The following ARHGEF7 variants were observed in gnomAD, a reference collection of about 807,000 sequenced individuals.
ARHGEF7 encodes PAK-interacting exchange factor beta.
ARHGEF7 carries 33 observed loss-of-function variants against 109.8 expected under a neutral mutation model. The observed-to-expected ratio is 0.30, with a 90% CI of 0.23 to 0.40. The LOEUF (loss-of-function observed/expected upper bound fraction) is 0.40, where lower values mean the gene tolerates loss of function less well. ARHGEF7 is among the 10% of genes least tolerant of loss of function. The pLI is 1.00. For missense variants in ARHGEF7, 938 were observed against 1,098.5 expected, an observed-to-expected ratio of 0.85 and a Z score of 2.07; for synonymous variants, 458 against 424.6, an observed-to-expected ratio of 1.08 and a Z score of -0.97.
chr13:111,214,595 G>A (rs1439961724), intron 4 of ARHGEF7, among the ~76,000 whole-genome samples: 2 of 152,206 alleles, frequency 1.3e-5, no homozygotes, highest in Non-Finnish European at 2.9e-5. Context: ...CTCGGGTCAC[G>A]TTTCACCACA....
intron 2 of ARHGEF7, among the ~76,000 whole-genome samples, chr13:111,161,267 G>C (rs2076719870): frequency 6.6e-6 from 1 of 152,172 alleles, no homozygotes; most frequent in African/African-American, 2.4e-5. Context: ...TTGATCTTCA[G>C]CTGATTTCTC....
At chr13:111,200,155 G>C (rs74126733) in intron 2 of ARHGEF7, among the ~76,000 whole-genome samples, 7,020 of 152,058 alleles carry the variant, frequency 0.046, 311 homozygotes, top group Admixed American at 0.15. Flanking sequence ...CCCTAGATGG[G>C]AGGGGTCCTT....
chr13:111,115,381 G>A lies in ARHGEF7; in HGVS notation c.-146G>A, dbSNP rs2066662460. The A allele has an allele frequency of 1.9e-5, 8 of 424,296 alleles. No individual in the cohort carries two copies. The South Asian group carries it at 7.4e-4, about 39-fold the overall frequency. 26.3% of individuals were successfully genotyped at this position (424,296 alleles called of 1,614,324 possible). A position where few individuals can be genotyped will look rare whatever the true frequency, so the allele number is the denominator to read the frequency against. ...GGCGCACGGAGAAGCGGGCCGGGCC[G>A]GACCTGCTGGGCCGCGCCGAGCCAA... is the stretch of plus-strand genomic sequence containing the variant. On this transcript the variant is annotated 5_prime_UTR_variant, in exon 1 of 22. Coordinates refer to ENST00000646102, the MANE Select transcript of ARHGEF7 (RefSeq NM_001354046.2).
chr13:111,268,666 G>A (rs2091883627), intron 9 of ARHGEF7, among the ~76,000 whole-genome samples: 1 of 152,126 alleles, frequency 6.6e-6, no homozygotes, highest in African/African-American at 2.4e-5. Flanking sequence ...CTCTGGCTGT[G>A]GCTGCTCCCT....
intron 8 of ARHGEF7, among the ~76,000 whole-genome samples, chr13:111,247,470 C>T (rs1595146557): frequency 6.6e-6 from 1 of 152,262 alleles, no homozygotes; most frequent in East Asian, 1.9e-4. Flanking sequence ...GGGGTTTCAC[C>T]ATGTTGGTCA....
rs561694011 is a variant in ARHGEF7, at chr13:111,239,497, C to A, written c.760-4375C>A. ...CTCCTGGTGACAGGGTGTCTTCGGT[C>A]TCCATCCATCAGCAGTGACCCTAAA... On this transcript the variant is annotated intron_variant, in intron 6 of 21. Coordinates refer to ENST00000646102, the MANE Select transcript of ARHGEF7 (RefSeq NM_001354046.2). The surrounding 1 kb of genome is among the most constrained non-coding windows in gnomAD (Gnocchi z 4.3). Among the ~76,000 whole-genome samples, 2 of 152,246 alleles carry A rather than the reference C, an allele frequency of 1.3e-5. No homozygotes were observed. The highest frequency in any genetic ancestry group is 4.2e-4 in the South Asian group (2 of 4,818).
chr13:111,224,902 G>T (rs2153513338), intron 5 of ARHGEF7, among the ~76,000 whole-genome samples: 1 of 152,290 alleles, frequency 6.6e-6, no homozygotes, highest in East Asian at 1.9e-4. Context: ...TGCATTACAG[G>T]ATGGACCTCT....
intron 1 of ARHGEF7, among the ~76,000 whole-genome samples, chr13:111,139,549 C>T (rs990521717): frequency 8.6e-5 from 13 of 150,746 alleles, no homozygotes; most frequent in Non-Finnish European, 5.9e-5. Flanking sequence ...TGGGTGCCTG[C>T]GTGGAGCACT....
chr13:111,267,108 T>C (rs956875925), intron 8 of ARHGEF7, among the ~76,000 whole-genome samples: 27 of 152,234 alleles, frequency 1.8e-4, no homozygotes, highest in African/African-American at 6.0e-4. Flanking sequence ...ACCTGATAGG[T>C]GGGCTTGCTT....
chr13:111,284,384 T>C (rs2092927084), intron 16 of ARHGEF7, among the ~76,000 whole-genome samples: 1 of 152,208 alleles, frequency 6.6e-6, no homozygotes, highest in African/African-American at 2.4e-5. Context: ...TCTGAGTCTT[T>C]GTTTTTATGA....
At chr13:111,142,327 T>C (rs2075384250) in intron 1 of ARHGEF7, among the ~76,000 whole-genome samples, 2 of 152,294 alleles carry the variant, frequency 1.3e-5, no homozygotes, top group Admixed American at 6.5e-5. Context: ...TTAATGGTTT[T>C]GAGTGGAGGA....
chr13:111,148,460 A>AT, intron 1 of ARHGEF7, among the ~76,000 whole-genome samples: 1 of 152,254 alleles, frequency 6.6e-6, no homozygotes, highest in South Asian at 2.1e-4. Flanking sequence ...GTACAGAAAT[A>AT]TTTTTCAAGG....
intron 2 of ARHGEF7, 121 bp downstream of exon 2, chr13:111,154,112 C>T: frequency 9.5e-7 from 1 of 1,057,888 alleles, no homozygotes. Context: ...CCCTCCCCGG[C>T]TGCTCGAGAG....
At position 111,275,694 on chromosome 13, in the gene ARHGEF7, T is replaced by C; in HGVS notation, c.1419+16T>C. The C allele has an allele frequency of 6.2e-7, 1 of 1,614,006 alleles. No homozygotes were observed. Among genetic ancestry groups the C allele is most frequent in the Middle Eastern group, 1.6e-4 (1 of 6,062 alleles). On this transcript the variant is annotated intron_variant, in intron 12 of 21. Transcript: ENST00000646102. ...CGGAAGTGAGGTACTGCTGCCCACA[T>C]GCACGCACCAGGGTTTCTGTCCCAC...
intron 8 of ARHGEF7, among the ~76,000 whole-genome samples, chr13:111,256,540 T>C (rs1355453838): frequency 6.6e-6 from 1 of 152,222 alleles, no homozygotes; most frequent in African/African-American, 2.4e-5. Flanking sequence ...TCTTGATTGT[T>C]CAGCTTGTCT....
intron 6 of ARHGEF7, among the ~76,000 whole-genome samples, chr13:111,240,061 T>C (rs982914926): frequency 1.3e-5 from 2 of 152,102 alleles, no homozygotes; most frequent in Admixed American, 1.3e-4. Flanking sequence ...AAACCCCTTT[T>C]TGTGAAAAAG....
chr13:111,260,795 C>T (rs1041240552), intron 8 of ARHGEF7, among the ~76,000 whole-genome samples: 1 of 152,124 alleles, frequency 6.6e-6, no homozygotes, highest in Non-Finnish European at 1.5e-5. Context: ...GTTTTCAAGA[C>T]AGTACAGTAA....
intron 2 of ARHGEF7, among the ~76,000 whole-genome samples, chr13:111,196,922 G>A (rs2080576140): frequency 6.6e-6 from 1 of 152,160 alleles, no homozygotes. Context: ...ACCCATCAGA[G>A]AGAGAATACT....
chr13:111,279,004 G>A (rs879853896), intron 13 of ARHGEF7, among the ~76,000 whole-genome samples: 4 of 152,118 alleles, frequency 2.6e-5, no homozygotes, highest in Non-Finnish European at 5.9e-5. Context: ...ATTGGTATCC[G>A]TTTCTACCAT....
Sources: gnomAD v4.1 joint callset for allele counts (sites outside exome capture counted in the v4.1 genomes callset) on GRCh38, gnomAD v4.1.1 for gene constraint, Gnocchi (gnomAD v3.1) non-coding constraint, MANE v1.5 for transcripts, NCBI Gene and HGNC (gene_info 2026-07-23, HGNC 2026-07-21) for gene names.